DLEC1: variants seen among roughly 807,000 people sequenced by gnomAD.
DLEC1 encodes DLEC1 cilia and flagella associated protein.
Under a neutral mutation model 198.1 loss-of-function variants are expected in DLEC1, and 146 were observed. The ratio of observed to expected loss-of-function variants is 0.74; its 90% confidence interval spans 0.64 to 0.85. DLEC1 has a LOEUF of 0.85. DLEC1 is among the 40% of genes least tolerant of loss of function. The probability of loss-of-function intolerance (pLI) is 0.00; values close to 1 mark genes in which losing one functional copy is unlikely to be tolerated. For synonymous variants in DLEC1, 897 were observed against 866.8 expected, an observed-to-expected ratio of 1.03 and a Z score of -0.61; for missense variants, 2,233 against 2,220.0, an observed-to-expected ratio of 1.01 and a Z score of -0.12.
At chr3:38,110,052 G>T (rs779183136) in intron 22 of DLEC1, 47 bp from the exon 23 acceptor site, 2 of 1,600,106 alleles carry the variant, frequency 1.2e-6, no homozygotes, top group South Asian at 2.2e-5. Flanking sequence ...GCAGGGCCAA[G>T]GGTGGTGTGT....
intron 6 of DLEC1, among the ~76,000 whole-genome samples, chr3:38,076,502 T>G (rs1400364197): frequency 1.3e-5 from 2 of 151,772 alleles, no homozygotes; most frequent in African/African-American, 4.8e-5. Flanking sequence ...CGCAAAGTAC[T>G]CAGTGGGGGA....
At chr3:38,057,186 A>G (rs532583000) in intron 2 of DLEC1, among the ~76,000 whole-genome samples, 1 of 152,348 alleles carries the variant, frequency 6.6e-6, no homozygotes, top group Admixed American at 6.5e-5. Context: ...GTAAGAATCA[A>G]TTATTTGAAC....
At chr3:38,067,350 C>T (rs1697081130) in intron 6 of DLEC1, among the ~76,000 whole-genome samples, 5 of 152,154 alleles carry the variant, frequency 3.3e-5, no homozygotes, top group Non-Finnish European at 1.5e-5. Context: ...GAATGTGGTA[C>T]CAAGAGATCC....
intron 2 of DLEC1, among the ~76,000 whole-genome samples, chr3:38,056,062 TACACACACACACACAC>T (rs57610638): frequency 0.014 from 1,664 of 120,486 alleles, 10 homozygotes; most frequent in East Asian, 0.038. Context: ...CTACAAAAAA[TACACACACACACACAC>T]ACACACACAC....
Position 38,062,214 on chromosome 3 carries a change from A to C in DLEC1, c.719A>C (p.Lys240Thr). The C allele has an allele frequency of 6.2e-7, 1 of 1,614,238 alleles. No individual in the cohort carries two copies. The highest frequency in any genetic ancestry group is 1.6e-4 in the Middle Eastern group (1 of 6,062). ...TCAAAACTGACATTTAGCTGTGAGA[A>C]GCGTTCCGTCCAGAAGAAAGAGCTG... ...GCSKLTFSCE[K>T]RSVQKKELNK... The change falls in exon 4 of 37, where the codon AAG (lysine) becomes ACG (threonine). Residue 240 changes from lysine to threonine, a missense_variant. Coordinates refer to ENST00000308059, the MANE Select transcript of DLEC1 (RefSeq NM_007335.4).
intron 6 of DLEC1, 83 bp downstream of exon 6, chr3:38,064,002 TTTTTC>T: frequency 2.2e-6 from 2 of 915,216 alleles, no homozygotes; most frequent in East Asian, 3.0e-5. Flanking sequence ...TTTTCTTTTT[TTTTTC>T]TTTTTTTTTT....
intron 13 of DLEC1, chr3:38,095,611 C>T (rs137864649): frequency 0.016 from 7,368 of 452,762 alleles, 92 homozygotes; most frequent in Non-Finnish European, 0.023. Context: ...TGTGGTGCTT[C>T]GGACACGTTG....
At chr3:38,101,209 G>C (rs1456616411) in intron 19 of DLEC1, among the ~76,000 whole-genome samples, 1 of 152,124 alleles carries the variant, frequency 6.6e-6, no homozygotes, top group African/African-American at 2.4e-5. Context: ...TGTAATCCCA[G>C]CACTTTGGGA....
Position 38,117,808 on chromosome 3 carries a change from G to A in DLEC1, c.4488G>A (p.Val1496=). The change falls in exon 33 of 37, where the codon GTG becomes GTA. Residue 1496 remains valine, a splice_region_variant and synonymous_variant. Transcript: ENST00000308059. ...CTCCTACCTCTGTGGCTGCCCAGGT[G>A]CTGAGTGAGCTGGTGACCACCCACC... The part of the protein sequence containing the change: ...DLIPEQPCSG[V]LSELVTTHHL... The A allele has an allele frequency of 1.2e-6, 2 of 1,614,002 alleles. No individual in the cohort carries two copies. Among genetic ancestry groups the A allele is most frequent in the Non-Finnish European group, 1.7e-6 (2 of 1,179,968 alleles).
At chr3:38,072,908 T>C (rs1317919009) in intron 6 of DLEC1, among the ~76,000 whole-genome samples, 2 of 151,932 alleles carry the variant, frequency 1.3e-5, no homozygotes, top group African/African-American at 2.4e-5. Context: ...GTTGAGAAGA[T>C]TCAAAGGAGG....
chr3:38,062,455 G>A, intron 4 of DLEC1, 87 bp downstream of exon 4: 1 of 1,588,324 alleles, frequency 6.3e-7, no homozygotes, highest in Non-Finnish European at 8.6e-7. Flanking sequence ...GAGAAGCTGT[G>A]ATGAATCCAT....
intron 19 of DLEC1, 76 bp from the exon 20 acceptor site, chr3:38,107,508 G>A: frequency 2.1e-6 from 3 of 1,407,066 alleles, no homozygotes; most frequent in Non-Finnish European, 2.8e-6. Context: ...TACATAGACT[G>A]CATGTCATCT....
chr3:38,117,401 G>A (rs1700234179), intron 31 of DLEC1, 99 bp downstream of exon 31: 1 of 1,597,748 alleles, frequency 6.3e-7, no homozygotes, highest in Non-Finnish European at 8.6e-7. Flanking sequence ...CAAAAGGACG[G>A]GCATGGGTGG....
At chr3:38,084,124 G>A in intron 6 of DLEC1, 34 bp from the exon 7 acceptor site, 1 of 1,593,184 alleles carries the variant, frequency 6.3e-7, no homozygotes. Flanking sequence ...TATAAGTGTT[G>A]CTGTCTAAAA....
chr3:38,123,181 A>T lies in DLEC1; in HGVS notation c.*769A>T. On this transcript the variant is annotated 3_prime_UTR_variant, in exon 37 of 37. Transcript: ENST00000308059. ...GCACCCACCAAATTACCTCCAGACC[A>T]GGCTGACCCAGAAGGACGTCATGGA... The T allele has an allele frequency of 6.5e-7, 1 of 1,530,654 alleles. No individual in the cohort carries two copies. Among genetic ancestry groups the T allele is most frequent in the Non-Finnish European group, 9.1e-7 (1 of 1,104,750 alleles). 94.8% of individuals were successfully genotyped at this position (1,530,654 alleles called of 1,614,324 possible). A position where few individuals can be genotyped will look rare whatever the true frequency, so the allele number is the denominator to read the frequency against.
intron 15 of DLEC1, 109 bp from the exon 16 acceptor site, chr3:38,097,072 GA>G: frequency 9.2e-7 from 1 of 1,083,354 alleles, no homozygotes; most frequent in Non-Finnish European, 1.3e-6. Context: ...AATTAGCCGG[GA>G]AGTGTCATAT....
At chr3:38,061,183 G>A (rs1272491636) in intron 3 of DLEC1, among the ~76,000 whole-genome samples, 3 of 152,016 alleles carry the variant, frequency 2.0e-5, no homozygotes, top group Admixed American at 6.5e-5. Flanking sequence ...TTGTTTGTTT[G>A]TTTGTTTTTT....
At chr3:38,088,512 G>A (rs1698582252) in intron 10 of DLEC1, 124 bp downstream of exon 10, 6 of 789,456 alleles carry the variant, frequency 7.6e-6, no homozygotes, top group Admixed American at 2.6e-5. Context: ...CTGGGTAGAC[G>A]CATATTCTTG....
At chr3:38,081,389 C>T (rs1293715682) in intron 6 of DLEC1, among the ~76,000 whole-genome samples, 20 of 122,502 alleles carry the variant, frequency 1.6e-4, no homozygotes, top group East Asian at 2.9e-4. Flanking sequence ...CCAGTAGGGG[C>T]GGCCGGGCAG....
Sources: allele counts gnomAD v4.1 joint callset (sites outside exome capture counted in the v4.1 genomes callset), GRCh38; gene constraint gnomAD v4.1.1; transcripts MANE v1.5; gene names NCBI Gene and HGNC (gene_info 2026-07-23, HGNC 2026-07-21).